Variants in SIPA1 observed in about 807,000 individuals in gnomAD.
SIPA1 encodes signal-induced proliferation-associated 1, also known as signal-induced proliferation-associated protein 1.
Under a neutral mutation model 88.1 loss-of-function variants are expected in SIPA1, and 51 were observed. The ratio of observed to expected loss-of-function variants is 0.58; its 90% CI spans 0.46 to 0.73. SIPA1 has a LOEUF of 0.73. Ranked by LOEUF, SIPA1 falls within the 30% of genes least tolerant of loss-of-function variation. The probability of loss-of-function intolerance (pLI) is 0.00; values close to 1 mark genes in which losing one functional copy is unlikely to be tolerated. For missense variants in SIPA1, 1,348 were observed against 1,467.6 expected (o/e 0.92, Z 1.33); for synonymous variants, 681 against 664.8 (o/e 1.02, Z -0.37).
At position 65,647,501 on chromosome 11, in the gene SIPA1, G is replaced by A. The variant is rs867052046; in HGVS notation, c.2149G>A (p.Ala717Thr). ...FVTHVERFTF[A>T]ETAGLRPGAR... Reference sequence around the variant, plus strand: ...CACGCACGTGGAGCGCTTCACATTCGCCGAGACGGCGGGGCTGCGGCCCGG... The same window carrying A: ...CACGCACGTGGAGCGCTTCACATTCACCGAGACGGCGGGGCTGCGGCCCGG... The change falls in exon 9 of 16, where the codon GCC (alanine) becomes ACC (threonine). Residue 717 changes from alanine (A) to threonine (T), a missense_variant. Around this residue, in one of 4 missense-constraint regions of SIPA1, gnomAD observed 615 missense variants for 559.8 expected, o/e 1.10. Coordinates refer to ENST00000534313, the MANE Select transcript of SIPA1 (RefSeq NM_006747.4). 8 of 1,416,342 alleles carry A rather than the reference G, an allele frequency of 5.6e-6. No individual in the cohort carries two copies. Among genetic ancestry groups the A allele is most frequent in the Non-Finnish European group, 7.3e-6 (8 of 1,090,430 alleles). The allele number at this position is 1,416,342 out of a possible 1,614,324, so 87.7% of individuals were successfully genotyped here.
Position 65,645,113 on chromosome 11 carries a change from CCAGCTAGA to C in SIPA1, c.1146_1153del (p.Gln382HisfsTer33). ...TCAAAGGCTTTGAGAGTTACCGGGC[CCAGCTAGA>C]CACCAAAAGTGAGGCCCAGGGGCAG... On this transcript the variant is annotated frameshift_variant, in exon 5 of 16. Transcript: ENST00000534313. LOFTEE classifies it high-confidence loss of function. 6.2e-7 allele frequency: 1 copy of C among 1,613,660 alleles called. No individual in the cohort carries two copies. The highest frequency in any genetic ancestry group is 1.1e-5 in the South Asian group (1 of 91,070).
chr11:65,645,957 G>A lies in SIPA1; in HGVS notation c.1263G>A (p.Gln421=). 3.1e-6 allele frequency: 5 copies of A among 1,607,134 alleles called. No homozygotes were observed. Among genetic ancestry groups the A allele is most frequent in the Non-Finnish European group, 4.3e-6 (5 of 1,175,180 alleles). ...MLPYTPNNQQ[Q]LLRKRHIGND... is the part of the protein sequence containing the mutation. ...CTTACACCCCTAATAACCAGCAGCA[G>A]GTGTGAGGGGGACCAACGTGGGGGT... Residue 421 remains glutamine (Q), a splice_region_variant and synonymous_variant, in exon 6 of 16, where the codon CAG becomes CAA. Coordinates refer to ENST00000534313, the MANE Select transcript of SIPA1 (RefSeq NM_006747.4).
At position 65,642,048 on chromosome 11, in the gene SIPA1, A is replaced by G; in HGVS notation, c.680-202A>G. The G allele has an allele frequency of 1.4e-6, 1 of 700,672 alleles. No individual in the cohort carries two copies. 43.4% of individuals were successfully genotyped at this position (700,672 alleles called of 1,614,324 possible). On this transcript the variant is annotated intron_variant, in intron 2 of 15. Coordinates refer to ENST00000534313, the MANE Select transcript of SIPA1 (RefSeq NM_006747.4). The surrounding 1 kb of genome is among the most constrained non-coding windows in gnomAD (Gnocchi z 6.5). ...GCCTGGGAGCTGGCCGCGTGGGTCT[A>G]GGTCTGGGTCTGGGTCCACCTCTGG...
In SIPA1 at chr11:65,650,808, GC is replaced by G. The variant is rs1166669938; in HGVS notation, c.*99del. 5.3e-6 allele frequency: 7 copies of G among 1,320,100 alleles called. No homozygotes were observed. Among genetic ancestry groups the G allele is most frequent in the Non-Finnish European group, 7.1e-6 (7 of 991,696 alleles). 81.8% of individuals were successfully genotyped at this position (1,320,100 alleles called of 1,614,324 possible). On this transcript the variant is annotated 3_prime_UTR_variant, in exon 16 of 16. Transcript: ENST00000534313. ...CTGCGCAGAGGCGTGTCTTAGCACT[GC>G]CCCCCTCCCTAGCCCCTTATTTGGT...
At position 65,641,080 on chromosome 11, in the gene SIPA1, C is replaced by T. The variant is rs1302639744; in HGVS notation, c.159C>T (p.Ser53=). ...CAGTCCGGGGCCCACTCCTGCGCAG[C>T]GGCAGCGATGCAGGCGAGGCCAGGC... ...PRPVRGPLLR[S]GSDAGEARPP... Residue 53 remains serine, a synonymous_variant, in exon 2 of 16, where the codon AGC becomes AGT. Coordinates refer to ENST00000534313, the MANE Select transcript of SIPA1 (RefSeq NM_006747.4). The T allele has an allele frequency of 6.3e-6, 10 of 1,599,712 alleles. No homozygotes were observed. The highest frequency in any genetic ancestry group is 1.3e-5 in the African/African-American group (1 of 74,924).
Position 65,641,535 on chromosome 11 carries a change from C to T in SIPA1, c.614C>T (p.Ser205Leu), listed in dbSNP as rs758126669. 6 of 1,612,390 alleles carry T rather than the reference C, an allele frequency of 3.7e-6. No homozygotes were observed. Among genetic ancestry groups the T allele is most frequent in the Admixed American group, 1.7e-5 (1 of 60,020 alleles). ...CTGGAGGAGCCACAGAACCGAACCTCGGCCTACAGCCTGGAGCACGCAGAC... is the reference window on the plus strand; with the variant it reads ...CTGGAGGAGCCACAGAACCGAACCTTGGCCTACAGCCTGGAGCACGCAGAC... ...SILEEPQNRT[S>L]AYSLEHADLG... Residue 205 changes from serine (S) to leucine (L), a missense_variant, in exon 2 of 16, where the codon TCG becomes TTG. Physicochemically the swap from Ser to Leu is moderately radical, Grantham distance 145 (BLOSUM62 -2). This residue lies in a region of SIPA1 where 641 missense variants were observed against 797.7 expected (regional missense o/e 0.80). Transcript: ENST00000534313.
At position 65,640,840 on chromosome 11, in the gene SIPA1, T is replaced by G; in HGVS notation, c.-82T>G. On this transcript the variant is annotated 5_prime_UTR_variant, in exon 2 of 16. Coordinates refer to ENST00000534313, the MANE Select transcript of SIPA1 (RefSeq NM_006747.4). ...CCCCCTCCTCCTTCAGGGCAGGAAC[T>G]GCTGCCACAACCTCAGGCTGGGCAC... 1.6e-5 allele frequency: 21 copies of G among 1,290,246 alleles called. No homozygotes were observed. The highest frequency in any genetic ancestry group is 2.2e-5 in the Non-Finnish European group (21 of 974,720). The allele number at this position is 1,290,246 out of a possible 1,614,324, so 79.9% of individuals were successfully genotyped here.
At position 65,646,342 on chromosome 11, in the gene SIPA1, G is replaced by A. The variant is rs202113351; in HGVS notation, c.1385G>A (p.Arg462Gln). Reference protein sequence around the residue: ...SHFQHVFLVVRAHTPCTPHTT... With the variant: ...SHFQHVFLVVQAHTPCTPHTT... ...TTCCAGCACGTGTTCCTAGTGGTGC[G>A]GGCACACACACCCTGCACGCCACAC... Residue 462 changes from arginine to glutamine, a missense_variant, in exon 7 of 16, where the codon CGG becomes CAG. Arg to Gln is a conservative substitution (Grantham distance 43). Transcript: ENST00000534313. This position sits in a 1 kb window ranked among gnomAD's most constrained non-coding sequence, Gnocchi z 7.5. 6.2e-6 allele frequency: 10 copies of A among 1,613,274 alleles called. No individual in the cohort carries two copies. The highest frequency in any genetic ancestry group is 3.3e-5 in the Admixed American group (2 of 59,998).
At position 65,642,164 on chromosome 11, in the gene SIPA1, G is replaced by C. The variant is rs1856017276; in HGVS notation, c.680-86G>C. On this transcript the variant is annotated intron_variant, in intron 2 of 15. Transcript: ENST00000534313. This position sits in a 1 kb window ranked among gnomAD's most constrained non-coding sequence, Gnocchi z 6.5. Reference sequence around the variant, plus strand: ...CATTTGGTGGTGAGATGAAGCCTAGGGCGGGGCTTAGTGATGCGCGTGGTC... The same window carrying C: ...CATTTGGTGGTGAGATGAAGCCTAGCGCGGGGCTTAGTGATGCGCGTGGTC... The C allele has an allele frequency of 6.6e-7, 1 of 1,509,104 alleles. No individual in the cohort carries two copies. The highest frequency in any genetic ancestry group is 1.4e-5 in the African/African-American group (1 of 70,752). 93.5% of individuals were successfully genotyped at this position (1,509,104 alleles called of 1,614,324 possible). A position where few individuals can be genotyped will look rare whatever the true frequency, so the allele number is the denominator to read the frequency against.
intron 15 of SIPA1, 23 bp downstream of exon 15, chr11:65,650,502 G>C (rs758044951): frequency 3.0e-5 from 49 of 1,613,830 alleles, no homozygotes; most frequent in Non-Finnish European, 4.2e-5. Flanking sequence ...CTGAGCTTGG[G>C]GGGAGTCACA....
At chr11:65,647,319 G>A in intron 8 of SIPA1, 65 bp from the exon 9 acceptor site, 1 of 1,369,626 alleles carries the variant, frequency 7.3e-7, no homozygotes. Flanking sequence ...CGCAGTCCAG[G>A]GGGCGGGCGC....
Position 65,650,748 on chromosome 11 carries a change from CTG to C in SIPA1, c.*36_*37del, listed in dbSNP as rs1565184863. The C allele has an allele frequency of 2.0e-6, 3 of 1,524,582 alleles. No individual in the cohort carries two copies. In the African/African-American group the frequency reaches 4.1e-5, roughly 21 times the overall value. The allele number at this position is 1,524,582 out of a possible 1,614,324, so 94.4% of individuals were successfully genotyped here. A position where few individuals can be genotyped will look rare whatever the true frequency, so the allele number is the denominator to read the frequency against. On this transcript the variant is annotated 3_prime_UTR_variant, in exon 16 of 16. Transcript: ENST00000534313. Reference sequence around the variant, plus strand: ...GGAACCACCTGGGCCCCTGAGGGCACTGTGGTCACACTGGGCCCTCCTCAGGA... The same window carrying C: ...GGAACCACCTGGGCCCCTGAGGGCACTGGTCACACTGGGCCCTCCTCAGGA...
Position 65,643,161 on chromosome 11 carries a change from C to T in SIPA1, c.984+522C>T, listed in dbSNP as rs1276167810. On this transcript the variant is annotated intron_variant, in intron 4 of 15. Transcript: ENST00000534313. ...TGAACTCCTGACCTTGTGATCTGCC[C>T]ACCTCGGCCTCCCAAAGTGCTGGGA... is the stretch of plus-strand genomic sequence containing the variant. Among the ~76,000 whole-genome samples, 7 of 152,258 alleles carry T rather than the reference C, an allele frequency of 4.6e-5. No homozygotes were observed. In the East Asian group the frequency reaches 9.7e-4, roughly 21 times the overall value.
intron 9 of SIPA1, among the ~76,000 whole-genome samples, chr11:65,648,499 C>T (rs1856183043): frequency 6.6e-6 from 1 of 152,140 alleles, no homozygotes; most frequent in African/African-American, 2.4e-5. Context: ...ATGATTTTAA[C>T]TTATCATGAA....
rs777909952 is a variant in SIPA1, at chr11:65,645,856, G to A, written c.1162G>A (p.Asp388Asn). The A allele has an allele frequency of 4.4e-6, 7 of 1,606,964 alleles. No individual in the cohort carries two copies. Among genetic ancestry groups the A allele is most frequent in the Middle Eastern group, 1.7e-4 (1 of 6,040 alleles). ...TGTCCCTAACTTCCTGGCCACAGCG[G>A]ATTCCACAGGCACGCACTCCCTCTA... ...SYRAQLDTKT[D>N]STGTHSLYTT... is the part of the protein sequence containing the mutation. The change falls in exon 6 of 16, where the codon GAT (aspartate) becomes AAT (asparagine). Residue 388 changes from aspartate (D) to asparagine (N), a missense_variant and splice_region_variant. Asp to Asn is a conservative substitution (Grantham distance 23). This residue lies in a region of SIPA1 where 641 missense variants were observed against 797.7 expected (regional missense o/e 0.80). Transcript: ENST00000534313.
At chr11:65,647,179 G>A (rs1008565084) in intron 8 of SIPA1, 114 bp downstream of exon 8, 5 of 1,414,310 alleles carry the variant, frequency 3.5e-6, no homozygotes, top group Non-Finnish European at 4.6e-6. Flanking sequence ...AGTCGAGGAG[G>A]GCAGAGCCAG....
intron 1 of SIPA1, among the ~76,000 whole-genome samples, chr11:65,639,437 CAG>C (rs887805930): frequency 8.5e-5 from 13 of 152,198 alleles, no homozygotes; most frequent in Non-Finnish European, 1.5e-4. Context: ...GATGAGAAAA[CAG>C]AGGCTCAAGG....
rs780303511 is a variant in SIPA1, at chr11:65,644,981, C to A, written c.1011C>A (p.Ile337=). The change falls in exon 5 of 16, where the codon ATC becomes ATA. Residue 337 remains isoleucine (I), a synonymous_variant. Transcript: ENST00000534313. ...TGAGCTTCCAACGCAAGGTGGGCAT[C>A]CTGTACTGCCGGGCGGGCCAGGGCT... ...QVLSFQRKVG[I]LYCRAGQGSE... 2.5e-6 allele frequency: 4 copies of A among 1,613,752 alleles called. No individual in the cohort carries two copies. The highest frequency in any genetic ancestry group is 3.4e-6 in the Non-Finnish European group (4 of 1,179,756).
rs1856219694 is a variant in SIPA1 at position 65,649,740 on chromosome 11, C to G, written c.2638-17C>G. Reference sequence around the variant, plus strand: ...ACAGTGGGCATCACTGAATCTGTATCCACTTCTGTGGCACAGGACAGGCCA... The same window carrying G: ...ACAGTGGGCATCACTGAATCTGTATGCACTTCTGTGGCACAGGACAGGCCA... On this transcript the variant is annotated splice_polypyrimidine_tract_variant and intron_variant, in intron 11 of 15. Transcript: ENST00000534313. 1 of 1,614,078 alleles carries G rather than the reference C, an allele frequency of 6.2e-7. No individual in the cohort carries two copies. The highest frequency in any genetic ancestry group is 8.5e-7 in the Non-Finnish European group (1 of 1,180,016).
Sources: allele counts gnomAD v4.1 joint callset (sites outside exome capture counted in the v4.1 genomes callset), GRCh38; gene constraint gnomAD v4.1.1; regional missense constraint gnomAD v4.1.1; non-coding constraint Gnocchi (gnomAD v3.1); transcripts MANE v1.5; gene names NCBI Gene and HGNC (gene_info 2026-07-23, HGNC 2026-07-21).